Variants in DIP2A observed in about 807,000 individuals in gnomAD.
DIP2A encodes disco-interacting protein 2 homolog A.
DIP2A carries 85 observed loss-of-function variants against 177.4 expected under a neutral mutation model. That is an observed-to-expected ratio of 0.48 (90% CI 0.40 to 0.57). The LOEUF is 0.57. Ranked by LOEUF, DIP2A falls within the 20% of genes least tolerant of loss-of-function variation. DIP2A has a pLI of 0.00. For synonymous variants in DIP2A, 886 were observed against 881.8 expected (o/e 1.00, Z -0.08); for missense variants, 1,791 against 2,100.2 (o/e 0.85, Z 2.88).
Position 46,567,417 on chromosome 21 carries a change from A to G in DIP2A, c.4511A>G (p.Asp1504Gly). 2 of 1,613,900 alleles carry G rather than the reference A, an allele frequency of 1.2e-6. No homozygotes were observed. Among genetic ancestry groups the G allele is most frequent in the Non-Finnish European group, 8.5e-7 (1 of 1,179,866 alleles). The change falls in exon 38 of 38, where the codon GAT becomes GGT. Residue 1504 changes from aspartate to glycine, a missense_variant. Coordinates refer to ENST00000417564, the MANE Select transcript of DIP2A (RefSeq NM_015151.4). ...TNLLVVVVEL[D>G]GLEQDALDLV... ...CTGCTGGTGGTGGTGGTGGAGCTGG[A>G]TGGGCTAGAGCAGGATGCCCTGGAC...
At chr21:46,515,625 C>T (rs1231122053) in intron 8 of DIP2A, among the ~76,000 whole-genome samples, 1 of 152,044 alleles carries the variant, frequency 6.6e-6, no homozygotes, top group Non-Finnish European at 1.5e-5. Flanking sequence ...CAAGCTCCAC[C>T]CCCCAGGCTC....
downstream of DIP2A, among the ~76,000 whole-genome samples, chr21:46,574,786 G>T (rs78132701): frequency 0.059 from 9,029 of 152,158 alleles, 321 homozygotes; most frequent in Non-Finnish European, 0.078. Context: ...TAACTAGTAA[G>T]GAGATTGATT....
In DIP2A at chr21:46,554,945, C is replaced by T. The variant is rs181422228; in HGVS notation, c.3388+12C>T. 37 of 1,549,526 alleles carry T rather than the reference C, an allele frequency of 2.4e-5. No individual in the cohort carries two copies. The Middle Eastern group carries it at 6.7e-4, about 28-fold the overall frequency. On this transcript the variant is annotated intron_variant, in intron 28 of 37. Coordinates refer to ENST00000417564, the MANE Select transcript of DIP2A (RefSeq NM_015151.4). ...CATCCTAGACACAGGTGCGTGTCCTCGCACTGCCCAGGACCAGTCCCTTTT... is the reference window on the plus strand; with the variant it reads ...CATCCTAGACACAGGTGCGTGTCCTTGCACTGCCCAGGACCAGTCCCTTTT...
At chr21:46,546,173 G>T (rs928251266) in intron 20 of DIP2A, 216 of 1,347,638 alleles carry the variant, frequency 1.6e-4, no homozygotes, top group Non-Finnish European at 2.0e-4. Flanking sequence ...ACACAGGCCT[G>T]AGTCGGGGGT....
rs1601782448 is a variant in DIP2A at position 46,545,910 on chromosome 21, C to T, written c.2343C>T (p.Pro781=). 1 of 1,613,990 alleles carries T rather than the reference C, an allele frequency of 6.2e-7. No individual in the cohort carries two copies. Among genetic ancestry groups the T allele is most frequent in the Non-Finnish European group, 8.5e-7 (1 of 1,179,888 alleles). Residue 781 remains proline (P), a synonymous_variant, in exon 20 of 38, where the codon CCC becomes CCT. Transcript: ENST00000417564. ...TTCCGGTCACCACAGGAGGAGCACC[C>T]ATCTTTGACAGGCCATTCACCAGGA... The part of the protein sequence containing the change: ...EAVPVTTGGA[P]IFDRPFTRTG...
chr21:46,471,527 T>C (rs1350224645), intron 1 of DIP2A, among the ~76,000 whole-genome samples: 3 of 152,240 alleles, frequency 2.0e-5, no homozygotes, highest in Non-Finnish European at 4.4e-5. Context: ...TCCTTGTGGC[T>C]CAATCTTTAC....
Position 46,567,353 on chromosome 21 carries a change from C to G in DIP2A, c.4464-17C>G, listed in dbSNP as rs1203940792. On this transcript the variant is annotated splice_polypyrimidine_tract_variant and intron_variant, in intron 37 of 37. Coordinates refer to ENST00000417564, the MANE Select transcript of DIP2A (RefSeq NM_015151.4). ...TGTGCCTGTATCCATGTGACCCAGT[C>G]TGTCTTCTCTCTGCAGTGCCGTATT... 1.9e-6 allele frequency: 3 copies of G among 1,605,868 alleles called. No homozygotes were observed. The highest frequency in any genetic ancestry group is 2.6e-6 in the Non-Finnish European group (3 of 1,174,820).
chr21:46,489,380 T>C (rs1186223538), intron 2 of DIP2A, among the ~76,000 whole-genome samples: 1 of 152,166 alleles, frequency 6.6e-6, no homozygotes, highest in African/African-American at 2.4e-5. Context: ...TGAGGGCTCC[T>C]CAGTCACAGC....
At chr21:46,505,351 G>A (rs1183041624) in intron 6 of DIP2A, among the ~76,000 whole-genome samples, 2 of 152,132 alleles carry the variant, frequency 1.3e-5, no homozygotes, top group South Asian at 2.1e-4. Context: ...GCTCACACCT[G>A]TAATCCCAGC....
rs879051889 is a variant in DIP2A at position 46,557,824 on chromosome 21, C to G, written c.3798+71C>G. The G allele has an allele frequency of 5.0e-5, 76 of 1,523,448 alleles. 3 individuals carry two copies. In the South Asian group the frequency reaches 8.8e-4, roughly 18 times the overall value. 94.4% of individuals were successfully genotyped at this position (1,523,448 alleles called of 1,614,324 possible). On this transcript the variant is annotated intron_variant, in intron 31 of 37. Coordinates refer to ENST00000417564, the MANE Select transcript of DIP2A (RefSeq NM_015151.4). The surrounding 1 kb of genome is among the most constrained non-coding windows in gnomAD (Gnocchi z 6.0). The stretch of plus-strand genomic sequence containing the variant: ...CCTGGGAAGTTTAAAAACAACAAAA[C>G]AAAACAAGACTCCCAAGGCCCCTCC...
intron 6 of DIP2A, among the ~76,000 whole-genome samples, chr21:46,506,724 T>C (rs1299084319): frequency 1.3e-5 from 1 of 78,884 alleles, no homozygotes; most frequent in Non-Finnish European, 2.6e-5. Context: ...TTGTGCTTGT[T>C]TTTCTTTCTT....
Position 46,534,706 on chromosome 21 carries a change from G to A in DIP2A, c.1642+19G>A. The A allele has an allele frequency of 6.3e-7, 1 of 1,597,140 alleles. No homozygotes were observed. The highest frequency in any genetic ancestry group is 2.2e-5 in the East Asian group (1 of 44,694). Reference sequence around the variant, plus strand: ...TCAGAAGGTAAGGGCTCTCGGGGGTGGGGCGGTGGCCCCTCCAGCCTCACA... The same window carrying A: ...TCAGAAGGTAAGGGCTCTCGGGGGTAGGGCGGTGGCCCCTCCAGCCTCACA... On this transcript the variant is annotated intron_variant, in intron 13 of 37. Coordinates refer to ENST00000417564, the MANE Select transcript of DIP2A (RefSeq NM_015151.4).
chr21:46,516,056 T>C (rs778056842), intron 8 of DIP2A, among the ~76,000 whole-genome samples: 1 of 152,200 alleles, frequency 6.6e-6, no homozygotes, highest in African/African-American at 2.4e-5. Context: ...TGCAAAGATA[T>C]TGTTTATAGG....
chr21:46,505,424 TG>T, intron 6 of DIP2A, among the ~76,000 whole-genome samples: 1 of 151,950 alleles, frequency 6.6e-6, no homozygotes, highest in Non-Finnish European at 1.5e-5. Context: ...CTGGCTAACG[TG>T]GTGAAACCCC....
chr21:46,565,706 C>T lies in DIP2A; in HGVS notation c.4165-7C>T. The T allele has an allele frequency of 6.2e-7, 1 of 1,612,054 alleles. No homozygotes were observed. Among genetic ancestry groups the T allele is most frequent in the Non-Finnish European group, 8.5e-7 (1 of 1,178,832 alleles). ...CACATCACATTCTTGTCCTCTGGGC[C>T]CACCAGATCTGGGTAAGCAGCCCCC... is the stretch of plus-strand genomic sequence containing the variant. On this transcript the variant is annotated splice_region_variant and splice_polypyrimidine_tract_variant and intron_variant, in intron 35 of 37. Transcript: ENST00000417564.
At chr21:46,477,567 GTATTTCTTTT>G (rs1481824902) in intron 1 of DIP2A, among the ~76,000 whole-genome samples, 2 of 115,326 alleles carry the variant, frequency 1.7e-5, no homozygotes, top group East Asian at 5.3e-4. Context: ...GTGTGTGTGT[GTATTTCTTTT>G]TTTTTTTTTT....
rs141455345 is a variant in DIP2A, at chr21:46,563,183, C to T, written c.4090-675C>T. ...CCGCCGGGGAGGGTCTGGCGGTAAC[C>T]GTAGCTCACACCTCCCTGTGGCCCG... On this transcript the variant is annotated intron_variant, in intron 34 of 37. Coordinates refer to ENST00000417564, the MANE Select transcript of DIP2A (RefSeq NM_015151.4). The surrounding 1 kb of genome is among the most constrained non-coding windows in gnomAD (Gnocchi z 4.3). Among the ~76,000 whole-genome samples, 60 of 152,234 alleles carry T rather than the reference C, an allele frequency of 3.9e-4. 1 individual carries two copies. The highest frequency in any genetic ancestry group is 1.2e-3 in the African/African-American group (50 of 41,520).
intron 8 of DIP2A, among the ~76,000 whole-genome samples, chr21:46,515,171 G>T (rs544881565): frequency 5.3e-5 from 8 of 152,188 alleles, no homozygotes; most frequent in African/African-American, 1.9e-4. Context: ...TTAAACCAGC[G>T]TTCAAATCTA....
chr21:46,458,922 C>T lies in DIP2A; in HGVS notation c.-210C>T, dbSNP rs1208030979. 1.1e-5 allele frequency: 3 copies of T among 277,402 alleles called. No individual in the cohort carries two copies. Among genetic ancestry groups the T allele is most frequent in the African/African-American group, 2.2e-5 (1 of 44,672 alleles). 17.2% of individuals were successfully genotyped at this position (277,402 alleles called of 1,614,324 possible). On this transcript the variant is annotated 5_prime_UTR_variant, in exon 1 of 38. Transcript: ENST00000417564. ...GGCCGGCCGGGCGCTCAGGAGCGCG[C>T]GGGGCAGCGGCGGCGCGGCGGAGCC...
Sources: allele counts gnomAD v4.1 joint callset (sites outside exome capture counted in the v4.1 genomes callset), GRCh38; gene constraint gnomAD v4.1.1; non-coding constraint Gnocchi (gnomAD v3.1); transcripts MANE v1.5; gene names NCBI Gene and HGNC (gene_info 2026-07-23, HGNC 2026-07-21).